EDIL3: variants seen among roughly 807,000 people sequenced by gnomAD.
EDIL3 encodes EGF like and discoidin domains 3, also known as EGF-like repeat and discoidin I-like domain-containing protein 3.
A neutral mutation model predicts 67.4 loss-of-function variants in EDIL3; 37 were observed. That is an observed-to-expected ratio of 0.55 (90% confidence interval 0.42 to 0.72). The LOEUF is 0.72. EDIL3 is among the 30% of genes least tolerant of loss of function. The pLI, the probability that EDIL3 is intolerant of heterozygous loss-of-function variation, is 0.00. For missense variants in EDIL3, 527 were observed against 586.3 expected, an observed-to-expected ratio of 0.90 and a Z score of 1.04; for synonymous variants, 195 against 196.3, an observed-to-expected ratio of 0.99 and a Z score of 0.05.
chr5:84,340,534 C>CTCTATATATA (rs1432966515), intron 1 of EDIL3, among the ~76,000 whole-genome samples: 14 of 54,208 alleles, frequency 2.6e-4, no homozygotes, highest in Non-Finnish European at 2.9e-4. Flanking sequence ...CTCTCTCTCT[C>CTCTATATATA]TATATATATA....
intron 3 of EDIL3, among the ~76,000 whole-genome samples, chr5:84,185,356 T>A (rs759441213): frequency 4.6e-5 from 7 of 152,160 alleles, no homozygotes; most frequent in Non-Finnish European, 8.8e-5. Context: ...GTATTAGATA[T>A]TAGGAACAGA....
intron 4 of EDIL3, among the ~76,000 whole-genome samples, chr5:84,138,844 T>C (rs1319995411): frequency 2.0e-5 from 3 of 152,080 alleles, no homozygotes; most frequent in Admixed American, 1.3e-4. Context: ...CATGACTGTG[T>C]TCAGAAAAAA....
chr5:84,225,299 AT>A (rs1239494515), intron 3 of EDIL3, among the ~76,000 whole-genome samples: 1 of 151,738 alleles, frequency 6.6e-6, no homozygotes, highest in African/African-American at 2.4e-5. Flanking sequence ...TAAAACACTT[AT>A]TAAGAACTTG....
chr5:83,993,760 A>G (rs918853323), intron 9 of EDIL3, among the ~76,000 whole-genome samples: 5 of 152,182 alleles, frequency 3.3e-5, no homozygotes, highest in Non-Finnish European at 7.4e-5. Flanking sequence ...TGTGTAAAAT[A>G]GTGAGAGCTG....
chr5:84,133,466 A>T (rs1254440138), intron 5 of EDIL3, among the ~76,000 whole-genome samples: 2 of 35,824 alleles, frequency 5.6e-5, no homozygotes, highest in Non-Finnish European at 1.1e-4. Flanking sequence ...TAAAAATACA[A>T]AAAAAAAAAA....
chr5:83,965,730 T>C (rs1744679341), intron 9 of EDIL3, among the ~76,000 whole-genome samples: 1 of 151,998 alleles, frequency 6.6e-6, no homozygotes, highest in Admixed American at 6.6e-5. Context: ...ACAGATACGT[T>C]TTTCTCCCAC....
intron 1 of EDIL3, among the ~76,000 whole-genome samples, chr5:84,354,455 G>A (rs7722323): frequency 0.46 from 69,898 of 151,802 alleles, 16,261 homozygotes; most frequent in East Asian, 0.58. Context: ...TCAGGAGTTC[G>A]AGACCAGACT....
At chr5:83,999,211 A>C (rs919117565) in intron 9 of EDIL3, among the ~76,000 whole-genome samples, 4 of 152,140 alleles carry the variant, frequency 2.6e-5, no homozygotes, top group African/African-American at 7.2e-5. Flanking sequence ...AGTTTAGAAT[A>C]ACTACGTAAG....
chr5:84,072,695 A>G (rs1179379439), intron 6 of EDIL3, among the ~76,000 whole-genome samples: 1 of 152,242 alleles, frequency 6.6e-6, no homozygotes, highest in Non-Finnish European at 1.5e-5. Flanking sequence ...AATAAAACAC[A>G]AATTCAAACA....
intron 1 of EDIL3, among the ~76,000 whole-genome samples, chr5:84,283,177 C>A (rs937555055): frequency 6.6e-6 from 1 of 152,034 alleles, no homozygotes; most frequent in African/African-American, 2.4e-5. Flanking sequence ...TAAATGTCCA[C>A]TAAGCAAGGC....
chr5:84,337,430 C>A (rs911011192), intron 1 of EDIL3, among the ~76,000 whole-genome samples: 2 of 152,094 alleles, frequency 1.3e-5, no homozygotes, highest in African/African-American at 4.8e-5. Flanking sequence ...ATGGTAGTTA[C>A]ATCCTCAAAT....
intron 3 of EDIL3, among the ~76,000 whole-genome samples, chr5:84,181,583 A>C (rs985811206): frequency 1.3e-5 from 2 of 151,994 alleles, no homozygotes; most frequent in African/African-American, 4.8e-5. Context: ...GGCTCATCCT[A>C]TCTACTCTTG....
At chr5:84,207,911 C>T (rs767384299) in intron 3 of EDIL3, among the ~76,000 whole-genome samples, 1 of 148,080 alleles carries the variant, frequency 6.8e-6, no homozygotes, top group Non-Finnish European at 1.5e-5. Context: ...ATGGATTAAA[C>T]ACTTAAACGT....
At chr5:84,058,112 G>C (rs1345816914) in intron 9 of EDIL3, among the ~76,000 whole-genome samples, 2 of 152,094 alleles carry the variant, frequency 1.3e-5, no homozygotes, top group East Asian at 1.9e-4. Context: ...GTGGGTAGAG[G>C]CTCTTTCCAT....
intron 9 of EDIL3, among the ~76,000 whole-genome samples, chr5:84,038,294 G>C (rs1746060289): frequency 6.6e-6 from 1 of 152,032 alleles, no homozygotes; most frequent in Admixed American, 6.5e-5. Context: ...CAAGTAATAG[G>C]GAGCTGGGAG....
At chr5:84,230,556 T>C (rs983096258) in intron 2 of EDIL3, among the ~76,000 whole-genome samples, 3 of 152,016 alleles carry the variant, frequency 2.0e-5, no homozygotes, top group South Asian at 2.1e-4. Flanking sequence ...TACAGGCATG[T>C]ACCACCACAC....
chr5:84,186,238 A>G, intron 3 of EDIL3, among the ~76,000 whole-genome samples: 1 of 152,132 alleles, frequency 6.6e-6, no homozygotes, highest in East Asian at 1.9e-4. Context: ...GTAACACTAT[A>G]AGTAATAATA....
At chr5:84,103,676 T>G (rs557417834) in intron 6 of EDIL3, among the ~76,000 whole-genome samples, 19 of 152,108 alleles carry the variant, frequency 1.2e-4, no homozygotes, top group Admixed American at 3.3e-4. Context: ...GATACCATCT[T>G]ACAACAGTCA....
At chr5:84,180,008 G>T (rs1425535246) in intron 4 of EDIL3, among the ~76,000 whole-genome samples, 75 of 147,840 alleles carry the variant, frequency 5.1e-4, no homozygotes, top group Admixed American at 1.3e-3. Flanking sequence ...TTTGTGTTTT[G>T]TTTTTTTTTT....
Sources: allele counts gnomAD v4.1 joint callset (sites outside exome capture counted in the v4.1 genomes callset), GRCh38; gene constraint gnomAD v4.1.1; transcripts MANE v1.5; gene names NCBI Gene and HGNC (gene_info 2026-07-23, HGNC 2026-07-21).